The following AOX1 variants were observed in gnomAD, a reference collection of about 807,000 sequenced individuals.
The protein encoded by AOX1 is aldehyde oxidase 1, also known as aldehyde oxidase.
Under a neutral mutation model 169.5 loss-of-function variants are expected in AOX1, and 153 were observed. That is an observed-to-expected ratio of 0.90 (90% CI 0.79 to 1.03). The LOEUF (loss-of-function observed/expected upper bound fraction) is 1.03, where lower values mean the gene tolerates loss of function less well. Ranked by LOEUF, AOX1 falls within the 50% of genes least tolerant of loss-of-function variation. AOX1 has a pLI of 0.00. For synonymous variants in AOX1, 562 were observed against 581.9 expected (o/e 0.97, Z 0.49); for missense variants, 1,656 against 1,663.9 (o/e 1.00, Z 0.08).
At position 200,602,359 on chromosome 2, in the gene AOX1, A is replaced by G. The variant is rs1035092400; in HGVS notation, c.498+14A>G. On this transcript the variant is annotated intron_variant, in intron 6 of 34. Coordinates refer to ENST00000374700, the MANE Select transcript of AOX1 (RefSeq NM_001159.4). ...ACTTTCTGTAAAGTAAGTGGAAAGG[A>G]CCACATGTTTGAGTATGTTTTCCCC... is the stretch of plus-strand genomic sequence containing the variant. 1.2e-6 allele frequency: 2 copies of G among 1,611,800 alleles called. No individual in the cohort carries two copies. Among genetic ancestry groups the G allele is most frequent in the Non-Finnish European group, 1.7e-6 (2 of 1,178,192 alleles).
chr2:200,656,304 T>A (rs1174839706), intron 26 of AOX1, among the ~76,000 whole-genome samples: 1 of 99,564 alleles, frequency 1.0e-5, no homozygotes, highest in East Asian at 2.1e-4. Context: ...GGCACATTCT[T>A]GTTAATTATA....
In AOX1 at chr2:200,642,264, T is replaced by G. The variant is rs557639937; in HGVS notation, c.2656-346T>G. On this transcript the variant is annotated intron_variant, in intron 24 of 34. Transcript: ENST00000374700. ...TAGACCCAATGCCAAAACATTTTTT[T>G]CTGTTTTCACTGTCTTCCAGGATAT... 2.0e-5 allele frequency among the ~76,000 whole-genome samples: 3 copies of G among 152,354 alleles called. No individual in the cohort carries two copies. In the South Asian group the frequency reaches 6.2e-4, roughly 32 times the overall value.
rs530948582 is a variant in AOX1, at chr2:200,588,538, G to A, written c.45+2385G>A. ...TATCTACGGACTCACTTTGTCTATG[G>A]GCCAAATGTCCTGTGGTTATTTGTA... On this transcript the variant is annotated intron_variant, in intron 1 of 34. Coordinates refer to ENST00000374700, the MANE Select transcript of AOX1 (RefSeq NM_001159.4). 1.6e-3 allele frequency among the ~76,000 whole-genome samples: 241 copies of A among 151,956 alleles called. 2 individuals carry two copies. The highest frequency in any genetic ancestry group is 5.5e-3 in the African/African-American group (229 of 41,436).
At position 200,664,743 on chromosome 2, in the gene AOX1, C is replaced by G. The variant is rs192568731; in HGVS notation, c.3543+1774C>G. On this transcript the variant is annotated intron_variant, in intron 31 of 34. Transcript: ENST00000374700. Reference sequence around the variant, plus strand: ...CAAAGGCCTGTTTCTCAGCCATTCTCCTGTTGATAGACTTGCCCTTATTCC... The same window carrying G: ...CAAAGGCCTGTTTCTCAGCCATTCTGCTGTTGATAGACTTGCCCTTATTCC... Among the ~76,000 whole-genome samples, 11 of 152,322 alleles carry G rather than the reference C, an allele frequency of 7.2e-5. No individual in the cohort carries two copies. In the East Asian group the frequency reaches 2.1e-3, roughly 29 times the overall value.
intron 34 of AOX1, 148 bp downstream of exon 34, chr2:200,669,890 G>A: frequency 1.3e-6 from 1 of 789,982 alleles, no homozygotes; most frequent in Admixed American, 2.8e-5. Flanking sequence ...GAGCAGATGT[G>A]CAGAGGGGTC....
Position 200,612,791 on chromosome 2 carries a change from A to G in AOX1, c.1446A>G (p.Gly482=), listed in dbSNP as rs1167722660. 6.2e-7 allele frequency: 1 copy of G among 1,613,296 alleles called. No homozygotes were observed. The highest frequency in any genetic ancestry group is 8.5e-7 in the Non-Finnish European group (1 of 1,179,578). ...AGAATTCCTGCCAGAAACTCATTGG[A>G]AGGTAAGGCATTAGAAGTAAGGGCT... is the stretch of plus-strand genomic sequence containing the variant. ...CAKNSCQKLI[G]RHWNEQMLDI... is the part of the protein sequence containing the mutation. Residue 482 remains glycine, a splice_region_variant and synonymous_variant, in exon 14 of 35, where the codon GGA becomes GGG. Transcript: ENST00000374700.
At chr2:200,608,660 G>A (rs1438269418) in intron 10 of AOX1, among the ~76,000 whole-genome samples, 1 of 152,106 alleles carries the variant, frequency 6.6e-6, no homozygotes, top group Non-Finnish European at 1.5e-5. Context: ...ACTCAATAGA[G>A]TGAGTGTTCA....
intron 24 of AOX1, 145 bp downstream of exon 24, chr2:200,641,329 T>A: frequency 1.8e-6 from 1 of 570,100 alleles, no homozygotes; most frequent in Non-Finnish European, 3.1e-6. Context: ...TGTTACTTCC[T>A]GGTGCCCAAA....
rs151315055 is a variant in AOX1 at position 200,642,850 on chromosome 2, G to T, written c.2847+49G>T. On this transcript the variant is annotated intron_variant, in intron 25 of 34. Coordinates refer to ENST00000374700, the MANE Select transcript of AOX1 (RefSeq NM_001159.4). ...ACAAAACATGTGGAATGTCAGAGAC[G>T]GTAGGGCCTTTGGGGGCCATTCAGG... 2.7e-4 allele frequency: 418 copies of T among 1,557,964 alleles called. 1 individual carries two copies. The African/African-American group carries it at 4.4e-3, about 17-fold the overall frequency.
chr2:200,643,480 C>T (rs1260567241), intron 25 of AOX1, among the ~76,000 whole-genome samples: 2 of 151,714 alleles, frequency 1.3e-5, no homozygotes, highest in Non-Finnish European at 2.9e-5. Context: ...TGGGTTGGTT[C>T]CAAGATTTTG....
At chr2:200,602,955 T>G (rs942252340) in intron 6 of AOX1, among the ~76,000 whole-genome samples, 2 of 152,240 alleles carry the variant, frequency 1.3e-5, no homozygotes, top group African/African-American at 4.8e-5. Flanking sequence ...ATATTTATTA[T>G]TAATATTTAA....
intron 25 of AOX1, among the ~76,000 whole-genome samples, chr2:200,648,699 A>G (rs1238700224): frequency 1.3e-5 from 2 of 151,974 alleles, no homozygotes; most frequent in Non-Finnish European, 2.9e-5. Context: ...ATAGGGAAGG[A>G]CCATCAGGTG....
rs766177453 is a variant in AOX1 at position 200,636,980 on chromosome 2, G to A, written c.2416G>A (p.Ala806Thr). Residue 806 changes from alanine to threonine, a missense_variant, in exon 22 of 35, where the codon GCG becomes ACG. Transcript: ENST00000374700. ...GTGCCATGTAAGGCGTGTTGGTGGAGCGTTTGGAGGGAAGGTGTTAAAAAC... is the reference window on the plus strand; with the variant it reads ...GTGCCATGTAAGGCGTGTTGGTGGAACGTTTGGAGGGAAGGTGTTAAAAAC... ...VMCHVRRVGG[A>T]FGGKVLKTGI... 1.2e-6 allele frequency: 2 copies of A among 1,614,038 alleles called. No homozygotes were observed. The highest frequency in any genetic ancestry group is 2.7e-5 in the African/African-American group (2 of 74,936).
At position 200,586,047 on chromosome 2, in the gene AOX1, C is replaced by A. The variant is rs2034021274; in HGVS notation, c.-62C>A. Reference sequence around the variant, plus strand: ...GGTCGGTGCCGCCGGGTCCCAGGTGCCCGCTACTTCCCAGAACCTCCGCCT... The same window carrying A: ...GGTCGGTGCCGCCGGGTCCCAGGTGACCGCTACTTCCCAGAACCTCCGCCT... On this transcript the variant is annotated 5_prime_UTR_variant, in exon 1 of 35. Coordinates refer to ENST00000374700, the MANE Select transcript of AOX1 (RefSeq NM_001159.4). The A allele has an allele frequency of 2.6e-6, 4 of 1,539,952 alleles. No individual in the cohort carries two copies. Among genetic ancestry groups the A allele is most frequent in the Admixed American group, 2.0e-5 (1 of 50,914 alleles).
chr2:200,675,485 CAT>C (rs1307412144), downstream of AOX1, among the ~76,000 whole-genome samples: 2 of 152,104 alleles, frequency 1.3e-5, no homozygotes, highest in Non-Finnish European at 2.9e-5. Context: ...AGGCTGTGTA[CAT>C]GATTTGTTAT....
chr2:200,651,324 T>A (rs766843474), intron 26 of AOX1, 123 bp downstream of exon 26: 15 of 821,360 alleles, frequency 1.8e-5, no homozygotes, highest in Non-Finnish European at 2.7e-5. Context: ...ATTGTTAAAT[T>A]TCACAAAAGC....
At chr2:200,593,225 CTG>C (rs766363331) in intron 2 of AOX1, 22 bp downstream of exon 2, 17 of 1,595,962 alleles carry the variant, frequency 1.1e-5, no homozygotes, top group Non-Finnish European at 1.5e-5. Context: ...TTTACTTTGA[CTG>C]TGTATGTGTG....
In AOX1 at chr2:200,636,812, TTTG is replaced by T. The variant is rs1179765905; in HGVS notation, c.2347-87_2347-85del. 117 of 1,424,206 alleles carry T rather than the reference TTTG, an allele frequency of 8.2e-5. 1 individual carries two copies. The highest frequency in any genetic ancestry group is 1.8e-4 in the Middle Eastern group (1 of 5,476). 88.2% of individuals were successfully genotyped at this position (1,424,206 alleles called of 1,614,324 possible). A position where few individuals can be genotyped will look rare whatever the true frequency, so the allele number is the denominator to read the frequency against. On this transcript the variant is annotated intron_variant, in intron 21 of 34. Coordinates refer to ENST00000374700, the MANE Select transcript of AOX1 (RefSeq NM_001159.4). Reference sequence around the variant, plus strand: ...ACAGTCCATTTCAGGGGACAGGTTTTTTGTTGTTGTTGTTAAAATCATAGATGT... The same window carrying T: ...ACAGTCCATTTCAGGGGACAGGTTTTTTGTTGTTGTTAAAATCATAGATGT...
chr2:200,596,355 C>T (rs2034283948), intron 3 of AOX1, among the ~76,000 whole-genome samples: 1 of 152,196 alleles, frequency 6.6e-6, no homozygotes, highest in African/African-American at 2.4e-5. Flanking sequence ...TGTCTTTAGC[C>T]TCTAGGGAGT....
Sources: gnomAD v4.1 joint callset for allele counts (sites outside exome capture counted in the v4.1 genomes callset) on GRCh38, gnomAD v4.1.1 for gene constraint, MANE v1.5 for transcripts, NCBI Gene and HGNC (gene_info 2026-07-23, HGNC 2026-07-21) for gene names.